The following NCOA4 variants were observed in gnomAD, a reference collection of about 807,000 sequenced individuals.
NCOA4 encodes 70 kDa AR-activator.
A neutral mutation model predicts 69.5 loss-of-function variants in NCOA4; 31 were observed. That is an observed-to-expected ratio of 0.45 (90% CI 0.34 to 0.60). NCOA4 has a LOEUF of 0.60. Among genes scored for constraint, NCOA4 ranks in the 20% least tolerant of loss-of-function variants. The probability of loss-of-function intolerance (pLI) is 0.02; values close to 1 mark genes in which losing one functional copy is unlikely to be tolerated. For synonymous variants in NCOA4, 228 were observed against 252.4 expected (o/e 0.90, Z 0.92); for missense variants, 600 against 719.2 (o/e 0.83, Z 1.90).
At chr10:46,026,908 C>G (rs1554925586) in intron 1 of NCOA4, among the ~76,000 whole-genome samples, 1 of 152,086 alleles carries the variant, frequency 6.6e-6, no homozygotes, top group Non-Finnish European at 1.5e-5. Context: ...ACTGCTAACC[C>G]CAAAGAGGAA....
chr10:46,013,634 A>T lies in NCOA4; in HGVS notation c.486T>A (p.Ile162=). Residue 162 remains isoleucine, a synonymous_variant, in exon 6 of 10, where the codon ATT becomes ATA. Coordinates refer to ENST00000581486, the MANE Select transcript of NCOA4 (RefSeq NM_001145263.2). ...TAGCATGAGCCATCAAGTGCTCAGG[A>T]ATTTGCTACAAAATAGAGATAATTT... ...TTFGSLKTIQ[I]PEHLMAHASS... 1 of 1,605,898 alleles carries T rather than the reference A, an allele frequency of 6.2e-7. No individual in the cohort carries two copies.
chr10:46,022,763 C>A (rs1195623867), intron 1 of NCOA4, among the ~76,000 whole-genome samples: 2 of 152,112 alleles, frequency 1.3e-5, no homozygotes, highest in African/African-American at 4.8e-5. Context: ...CCGCGCCCGG[C>A]CTAAAGGTTG....
Position 46,015,206 on chromosome 10 carries a change from C to A in NCOA4, c.202G>T (p.Val68Leu), listed in dbSNP as rs1554922894. 1.9e-6 allele frequency: 3 copies of A among 1,613,966 alleles called. No individual in the cohort carries two copies. The highest frequency in any genetic ancestry group is 2.5e-6 in the Non-Finnish European group (3 of 1,179,974). ...RHLECLRSRE[V>L]WLYEQVDLIY... ...AGGTCCACCTGTTCATACAGCCATA[C>A]CTCACGGCTTCTAAGACATTCCAGG... Residue 68 changes from valine (V) to leucine (L), a missense_variant, in exon 3 of 10, where the codon GTA (valine) becomes TTA (leucine). By Grantham distance (32) the Val-to-Leu change is conservative (BLOSUM62 1). Transcript: ENST00000581486.
At chr10:46,028,481 A>T (rs1197940962) in intron 1 of NCOA4, among the ~76,000 whole-genome samples, 1 of 151,838 alleles carries the variant, frequency 6.6e-6, no homozygotes, top group Non-Finnish European at 1.5e-5. Flanking sequence ...GCCTTTTTTT[A>T]AAAAACTCAC....
chr10:46,012,807 A>T, intron 7 of NCOA4, 76 bp downstream of exon 7: 1 of 1,464,516 alleles, frequency 6.8e-7, no homozygotes, highest in Non-Finnish European at 9.2e-7. Context: ...TAACAATGAC[A>T]CATAGTACTA....
intron 1 of NCOA4, among the ~76,000 whole-genome samples, chr10:46,028,556 C>G (rs1197344866): frequency 7.0e-6 from 1 of 143,756 alleles, no homozygotes; most frequent in South Asian, 2.2e-4. Flanking sequence ...AAAAAAAAAG[C>G]AGACTTGACA....
chr10:46,027,055 G>C (rs1329108394), intron 1 of NCOA4, among the ~76,000 whole-genome samples: 1 of 152,126 alleles, frequency 6.6e-6, no homozygotes, highest in Non-Finnish European at 1.5e-5. Context: ...CACGAGGTCA[G>C]GTCAGGAGAT....
intron 1 of NCOA4, among the ~76,000 whole-genome samples, chr10:46,028,728 A>G (rs1840290436): frequency 6.6e-6 from 1 of 152,036 alleles, no homozygotes; most frequent in Non-Finnish European, 1.5e-5. Context: ...TGAGTACCTA[A>G]ACTGACACTA....
Position 46,012,965 on chromosome 10 carries a change from G to A in NCOA4, c.632C>T (p.Ala211Val), listed in dbSNP as rs781847458. The A allele has an allele frequency of 3.8e-5, 62 of 1,613,982 alleles. No homozygotes were observed. Among genetic ancestry groups the A allele is most frequent in the Non-Finnish European group, 7.6e-6 (9 of 1,180,010 alleles). Reference protein sequence around the residue: ...FSEWLLGSKPASGYQAPYIPS... With the variant: ...FSEWLLGSKPVSGYQAPYIPS... ...TATGTAAGGAGCTTGATAACCACTG[G>A]CAGGTTTGCTTCCAAGGAGCCATTC... Residue 211 changes from alanine (A) to valine (V), a missense_variant, in exon 7 of 10, where the codon GCC (alanine) becomes GTC (valine). Coordinates refer to ENST00000581486, the MANE Select transcript of NCOA4 (RefSeq NM_001145263.2).
intron 1 of NCOA4, among the ~76,000 whole-genome samples, chr10:46,027,237 TCCAGCCTCCTGACAGAG>T (rs1380551097): frequency 1.6e-5 from 2 of 122,634 alleles, no homozygotes; most frequent in East Asian, 4.9e-4. Context: ...CCCACTGCAC[TCCAGCCTCCTGACAGAG>T]CAAGACTCCG....
At position 46,011,168 on chromosome 10, in the gene NCOA4, C is replaced by G. The variant is rs1554921433; in HGVS notation, c.753G>C (p.Gly251=). Residue 251 remains glycine, a synonymous_variant, in exon 8 of 10, where the codon GGG becomes GGC. Coordinates refer to ENST00000581486, the MANE Select transcript of NCOA4 (RefSeq NM_001145263.2). The stretch of plus-strand genomic sequence containing the variant: ...AGTTTTCTAAGCCCTTTAGGTTTCC[C>G]CCGACATTATTGAAGAAATTGCAGG... ...SRACNFFNNV[G]GNLKGLENWL... 2 of 1,601,808 alleles carry G rather than the reference C, an allele frequency of 1.2e-6. No individual in the cohort carries two copies. Among genetic ancestry groups the G allele is most frequent in the Non-Finnish European group, 1.7e-6 (2 of 1,176,400 alleles).
intron 5 of NCOA4, 36 bp from the exon 6 acceptor site, chr10:46,013,675 GCTATGCTGCC>G: frequency 7.0e-7 from 1 of 1,435,372 alleles, no homozygotes; most frequent in Admixed American, 2.0e-5. Context: ...TGTTATTTAT[GCTATGCTGCC>G]AAAAAAGTGA....
chr10:46,009,943 G>A (rs2132317910), intron 8 of NCOA4, among the ~76,000 whole-genome samples: 1 of 152,290 alleles, frequency 6.6e-6, no homozygotes, highest in South Asian at 2.1e-4. Context: ...AAGACGGGCA[G>A]ATCGCTTAAG....
chr10:46,014,340 A>T (rs1839409764), intron 5 of NCOA4, 104 bp downstream of exon 5: 1 of 820,224 alleles, frequency 1.2e-6, no homozygotes, highest in Admixed American at 2.6e-5. Context: ...TTTTGAAGCT[A>T]ATCAAATTCT....
chr10:46,006,554 T>C lies in NCOA4; in HGVS notation c.*38A>G. 1 of 1,612,428 alleles carries C rather than the reference T, an allele frequency of 6.2e-7. No individual in the cohort carries two copies. The highest frequency in any genetic ancestry group is 1.1e-5 in the South Asian group (1 of 91,046). ...CAGTCACTCAGCTCATGATGTGTGA[T>C]AATCAGCAGAAAGGCTGCTCAACTC... On this transcript the variant is annotated 3_prime_UTR_variant, in exon 10 of 10. Coordinates refer to ENST00000581486, the MANE Select transcript of NCOA4 (RefSeq NM_001145263.2).
At chr10:46,008,336 C>T (rs1838973705) in intron 9 of NCOA4, among the ~76,000 whole-genome samples, 1 of 152,200 alleles carries the variant, frequency 6.6e-6, no homozygotes, top group Non-Finnish European at 1.5e-5. Flanking sequence ...TAAGATCATT[C>T]ATGATTCATG....
chr10:46,012,115 A>AAAAAAAAAAAG (rs1839269811), intron 7 of NCOA4, among the ~76,000 whole-genome samples: 1 of 146,418 alleles, frequency 6.8e-6, no homozygotes, highest in Non-Finnish European at 1.5e-5. Context: ...GAAAAAAGAA[A>AAAAAAAAAAAG]ATACTCAACC....
chr10:46,009,568 G>C lies in NCOA4; in HGVS notation c.1699-17C>G. 6.3e-7 allele frequency: 1 copy of C among 1,597,770 alleles called. No homozygotes were observed. Among genetic ancestry groups the C allele is most frequent in the Non-Finnish European group, 8.5e-7 (1 of 1,173,944 alleles). On this transcript the variant is annotated splice_polypyrimidine_tract_variant and intron_variant, in intron 8 of 9. Transcript: ENST00000581486. ...TAATACTTCCTGCAATAAAAGAAAA[G>C]AGTAGGTTGCTTCATGAAAACAAGG...
At chr10:46,029,943 TA>T (rs1404328941) in intron 1 of NCOA4, among the ~76,000 whole-genome samples, 5 of 152,160 alleles carry the variant, frequency 3.3e-5, no homozygotes, top group African/African-American at 1.2e-4. Context: ...AAAACAGAGA[TA>T]ATCAAGCTAC....
Sources: allele counts gnomAD v4.1 joint callset (sites outside exome capture counted in the v4.1 genomes callset), GRCh38; gene constraint gnomAD v4.1.1; transcripts MANE v1.5; gene names NCBI Gene and HGNC (gene_info 2026-07-23, HGNC 2026-07-21).